CSMD1: variants seen among roughly 807,000 people sequenced by gnomAD.
The protein encoded by CSMD1 is CUB and sushi domain-containing protein 1.
In CSMD1, 213 loss-of-function variants were observed where a neutral mutation model predicts 417.5. The ratio of observed to expected loss-of-function variants is 0.51; its 90% CI spans 0.46 to 0.57. The LOEUF is 0.57. Among genes scored for constraint, CSMD1 ranks in the 20% least tolerant of loss-of-function variants. CSMD1 has a pLI of 0.00. For synonymous variants in CSMD1, 2,862 were observed against 1,736.8 expected (o/e 1.65, Z -16.11); for missense variants, 6,923 against 4,529.7 (o/e 1.53, Z -15.17).
intron 26 of CSMD1, among the ~76,000 whole-genome samples, chr8:3,251,756 G>C (rs974159821): frequency 1.2e-4 from 18 of 152,132 alleles, no homozygotes; most frequent in African/African-American, 4.3e-4. Flanking sequence ...GTGGATTGTA[G>C]TTCTCCTTGA....
At chr8:3,455,405 C>G (rs1816047860) in intron 12 of CSMD1, among the ~76,000 whole-genome samples, 1 of 152,194 alleles carries the variant, frequency 6.6e-6, no homozygotes, top group African/African-American at 2.4e-5. Flanking sequence ...TTAGAGTCTC[C>G]AGTTTTTCTG....
intron 12 of CSMD1, among the ~76,000 whole-genome samples, chr8:3,435,128 C>G (rs1408790343): frequency 1.3e-5 from 2 of 152,176 alleles, no homozygotes; most frequent in African/African-American, 2.4e-5. Context: ...ACTTCACTCA[C>G]TCTGTGGCCT....
intron 2 of CSMD1, among the ~76,000 whole-genome samples, chr8:4,533,018 C>T (rs1242193994): frequency 6.6e-6 from 1 of 152,218 alleles, no homozygotes; most frequent in East Asian, 1.9e-4. Flanking sequence ...CTCACAGTCA[C>T]TCCGGAGTTT....
intron 3 of CSMD1, among the ~76,000 whole-genome samples, chr8:4,160,680 T>A (rs913394881): frequency 6.6e-6 from 1 of 152,260 alleles, no homozygotes. Context: ...GTCCACGCAA[T>A]GTCCCACACT....
chr8:4,334,008 A>T (rs949905556), intron 3 of CSMD1, among the ~76,000 whole-genome samples: 2 of 152,002 alleles, frequency 1.3e-5, no homozygotes, highest in African/African-American at 4.8e-5. Flanking sequence ...CTCCCGCCTC[A>T]GACTCCTGAG....
At chr8:3,288,154 C>T (rs988435261) in intron 25 of CSMD1, among the ~76,000 whole-genome samples, 2 of 147,246 alleles carry the variant, frequency 1.4e-5, no homozygotes, top group African/African-American at 5.4e-5. Context: ...GGATGAAGCC[C>T]ACTTGATCAT....
chr8:4,282,931 A>C (rs558559967), intron 3 of CSMD1, among the ~76,000 whole-genome samples: 34 of 152,286 alleles, frequency 2.2e-4, no homozygotes, highest in African/African-American at 8.2e-4. Flanking sequence ...AAACATTTTA[A>C]TGTCAAATCT....
chr8:4,992,895 C>G (rs1442956313), intron 1 of CSMD1, among the ~76,000 whole-genome samples: 1 of 152,178 alleles, frequency 6.6e-6, no homozygotes, highest in East Asian at 1.9e-4. Flanking sequence ...GGGGCGCATT[C>G]CCGCAGACAC....
In CSMD1 at chr8:3,150,968, A is replaced by T. The variant is rs148662242; in HGVS notation, c.6031+429T>A. Reference sequence around the variant, plus strand: ...AATGTAATATATAGCAAAAATGTATAAAACAATACTATTTCTTGAAAGTTG... The same window carrying T: ...AATGTAATATATAGCAAAAATGTATTAAACAATACTATTTCTTGAAAGTTG... On this transcript the variant is annotated intron_variant, in intron 40 of 69. Coordinates refer to ENST00000635120, the MANE Select transcript of CSMD1 (RefSeq NM_033225.6). Among the ~76,000 whole-genome samples, 341 of 152,350 alleles carry T rather than the reference A, an allele frequency of 2.2e-3. 6 individuals carry two copies. Among genetic ancestry groups the T allele is most frequent in the African/African-American group, 7.8e-3 (326 of 41,594 alleles).
intron 3 of CSMD1, among the ~76,000 whole-genome samples, chr8:4,097,813 T>A (rs1351125341): frequency 1.3e-5 from 2 of 152,160 alleles, no homozygotes; most frequent in Non-Finnish European, 2.9e-5. Context: ...TGTGGGTGGG[T>A]TATGTTTGCC....
At chr8:4,944,590 T>C (rs1335231293) in intron 1 of CSMD1, among the ~76,000 whole-genome samples, 1 of 151,982 alleles carries the variant, frequency 6.6e-6, no homozygotes, top group Non-Finnish European at 1.5e-5. Context: ...ACACAAGAAA[T>C]AAATTGAAAC....
intron 2 of CSMD1, among the ~76,000 whole-genome samples, chr8:4,586,464 T>A (rs1051068426): frequency 1.3e-5 from 2 of 152,184 alleles, no homozygotes; most frequent in African/African-American, 4.8e-5. Flanking sequence ...ACTGTGATAT[T>A]TACTGGTTTA....
intron 3 of CSMD1, among the ~76,000 whole-genome samples, chr8:4,113,735 G>C (rs1045928525): frequency 1.4e-4 from 21 of 152,120 alleles, no homozygotes; most frequent in African/African-American, 4.8e-4. Context: ...TGAATGAGAA[G>C]AAAATGAAAC....
At chr8:4,632,471 C>T (rs1212744702) in intron 2 of CSMD1, among the ~76,000 whole-genome samples, 1 of 152,122 alleles carries the variant, frequency 6.6e-6, no homozygotes, top group Non-Finnish European at 1.5e-5. Context: ...AATATAGTAC[C>T]ATTGCACTCC....
At chr8:3,544,619 G>A (rs753049324) in intron 10 of CSMD1, among the ~76,000 whole-genome samples, 3 of 152,086 alleles carry the variant, frequency 2.0e-5, no homozygotes, top group Non-Finnish European at 4.4e-5. Flanking sequence ...AAAGGCGGGG[G>A]CCCTGGGAAC....
intron 5 of CSMD1, among the ~76,000 whole-genome samples, chr8:3,782,499 A>G (rs112266478): frequency 6.6e-6 from 1 of 152,314 alleles, no homozygotes; most frequent in East Asian, 1.9e-4. Flanking sequence ...GTGCTTTTTA[A>G]AAAGGAGGCT....
At chr8:3,974,229 T>G (rs11989686) in intron 5 of CSMD1, among the ~76,000 whole-genome samples, 2,468 of 151,292 alleles carry the variant, frequency 0.016, 58 homozygotes, top group African/African-American at 0.056. Context: ...TAAGAGTTAT[T>G]TTTAAATAAT....
At chr8:4,907,338 C>T (rs184343709) in intron 1 of CSMD1, among the ~76,000 whole-genome samples, 1 of 152,142 alleles carries the variant, frequency 6.6e-6, no homozygotes, top group African/African-American at 2.4e-5. Context: ...AACCTTCAGA[C>T]AAAACGGCAA....
chr8:3,680,248 G>T (rs1585065091), intron 7 of CSMD1, among the ~76,000 whole-genome samples: 1 of 152,240 alleles, frequency 6.6e-6, no homozygotes, highest in African/African-American at 2.4e-5. Context: ...GAATCCAGGA[G>T]CTGGTTTTTT....
Sources: allele counts gnomAD v4.1 joint callset (sites outside exome capture counted in the v4.1 genomes callset), GRCh38; gene constraint gnomAD v4.1.1; transcripts MANE v1.5; gene names NCBI Gene and HGNC (gene_info 2026-07-23, HGNC 2026-07-21).